The following TANC1 variants were observed in gnomAD, a reference collection of about 807,000 sequenced individuals.
The protein encoded by TANC1 is protein TANC1.
In TANC1, 77 loss-of-function variants were observed where a neutral mutation model predicts 149.7. The ratio of observed to expected loss-of-function variants is 0.51; its 90% CI spans 0.43 to 0.62. The LOEUF is 0.62. Among genes scored for constraint, TANC1 ranks in the 20% least tolerant of loss-of-function variants. The pLI is 0.00. For synonymous variants in TANC1, 854 were observed against 925.0 expected, an observed-to-expected ratio of 0.92 and a Z score of 1.39; for missense variants, 1,985 against 2,321.8, an observed-to-expected ratio of 0.85 and a Z score of 2.98.
chr2:159,201,174 G>A (rs868510604), intron 19 of TANC1, among the ~76,000 whole-genome samples: 31 of 152,148 alleles, frequency 2.0e-4, no homozygotes, highest in African/African-American at 6.5e-4. Context: ...AACCACTATC[G>A]TCTACTGCCC....
intron 19 of TANC1, among the ~76,000 whole-genome samples, chr2:159,210,635 C>T (rs1412204953): frequency 2.0e-5 from 3 of 151,886 alleles, no homozygotes; most frequent in Non-Finnish European, 1.5e-5. Flanking sequence ...GGCGAGATCT[C>T]GGCTCACTGC....
intron 2 of TANC1, among the ~76,000 whole-genome samples, chr2:159,019,444 A>G (rs1286364029): frequency 6.6e-6 from 1 of 152,108 alleles, no homozygotes; most frequent in Non-Finnish European, 1.5e-5. Context: ...TGGCAACCTA[A>G]TTCAGTTAAA....
intron 22 of TANC1, among the ~76,000 whole-genome samples, chr2:159,223,693 C>T (rs576018252): frequency 2.0e-5 from 3 of 152,248 alleles, no homozygotes; most frequent in East Asian, 1.9e-4. Context: ...GTCTTTGTAC[C>T]GTGGTATCAA....
chr2:158,975,438 C>T (rs2033535309), intron 1 of TANC1, among the ~76,000 whole-genome samples: 1 of 152,138 alleles, frequency 6.6e-6, no homozygotes, highest in Admixed American at 6.5e-5. Flanking sequence ...TAATGCCATA[C>T]CTTTTGCCAG....
chr2:159,178,665 G>C lies in TANC1; in HGVS notation c.2012G>C (p.Ser671Thr), dbSNP rs1401945233. 1 of 1,614,076 alleles carries C rather than the reference G, an allele frequency of 6.2e-7. No homozygotes were observed. The highest frequency in any genetic ancestry group is 1.3e-5 in the African/African-American group (1 of 74,932). The stretch of plus-strand genomic sequence containing the variant: ...TACGTCCAGCACAGGGTGCACAGCA[G>C]CCAGGACATCCTCAGCAACATCTCC... ...HAYVQHRVHS[S>T]QDILSNISLN... Residue 671 changes from serine (S) to threonine (T), a missense_variant, in exon 14 of 27, where the codon AGC (serine) becomes ACC (threonine). Physicochemically the swap from Ser to Thr is moderately conservative, Grantham distance 58. This residue lies in a region of TANC1 where 508 missense variants were observed against 714.2 expected (regional missense o/e 0.71). Coordinates refer to ENST00000263635, the MANE Select transcript of TANC1 (RefSeq NM_033394.3).
chr2:159,204,320 T>G (rs1212043709), intron 19 of TANC1, among the ~76,000 whole-genome samples: 4 of 152,244 alleles, frequency 2.6e-5, no homozygotes, highest in Admixed American at 6.5e-5. Flanking sequence ...GTGTCCTGAT[T>G]TCTTGGTGTC....
chr2:159,012,935 G>T (rs2037911411), intron 2 of TANC1, among the ~76,000 whole-genome samples: 1 of 152,028 alleles, frequency 6.6e-6, no homozygotes. Flanking sequence ...TGGTAGTTTT[G>T]CATGGTATTT....
chr2:159,166,865 C>T (rs768046386), intron 8 of TANC1, among the ~76,000 whole-genome samples: 4 of 152,160 alleles, frequency 2.6e-5, no homozygotes, highest in African/African-American at 4.8e-5. Context: ...GCTTTCAGCT[C>T]GGCTTAATCG....
intron 7 of TANC1, among the ~76,000 whole-genome samples, chr2:159,159,050 A>AT (rs1024881835): frequency 3.3e-5 from 5 of 152,214 alleles, no homozygotes; most frequent in Non-Finnish European, 4.4e-5. Flanking sequence ...CTTGATGTTC[A>AT]TTTAAGCCTA....
intron 2 of TANC1, among the ~76,000 whole-genome samples, chr2:159,016,941 T>G (rs1239546167): frequency 6.6e-6 from 1 of 152,138 alleles, no homozygotes; most frequent in Non-Finnish European, 1.5e-5. Context: ...CCATTGCTGG[T>G]TTATGGATTG....
chr2:159,054,556 A>C (rs1276253175), intron 2 of TANC1, among the ~76,000 whole-genome samples: 1 of 152,218 alleles, frequency 6.6e-6, no homozygotes, highest in Non-Finnish European at 1.5e-5. Flanking sequence ...TGTCAGCTAC[A>C]TAAGCAAGAG....
intron 2 of TANC1, among the ~76,000 whole-genome samples, chr2:159,006,279 G>A (rs1007299814): frequency 7.7e-6 from 1 of 129,828 alleles, no homozygotes; most frequent in African/African-American, 2.9e-5. Context: ...CTGGGTGACA[G>A]AGTGAGACTT....
At chr2:159,199,575 A>G (rs1455798667) in intron 19 of TANC1, among the ~76,000 whole-genome samples, 5 of 152,252 alleles carry the variant, frequency 3.3e-5, no homozygotes, top group Admixed American at 1.3e-4. Context: ...TGGTCTTTAC[A>G]GTGAGAAGCC....
chr2:159,204,311 T>G (rs1023042598), intron 19 of TANC1, among the ~76,000 whole-genome samples: 3 of 152,194 alleles, frequency 2.0e-5, no homozygotes, highest in Non-Finnish European at 2.9e-5. Context: ...AAAGACCCAG[T>G]GTCCTGATTT....
intron 13 of TANC1, among the ~76,000 whole-genome samples, chr2:159,177,506 C>T (rs2056000435): frequency 1.3e-5 from 2 of 152,070 alleles, no homozygotes; most frequent in Admixed American, 6.5e-5. Context: ...GAACTTGATG[C>T]GTGTTTTTTG....
intron 2 of TANC1, among the ~76,000 whole-genome samples, chr2:159,007,161 T>C (rs2149356533): frequency 6.7e-6 from 1 of 149,804 alleles, no homozygotes; most frequent in Admixed American, 6.6e-5. Context: ...TTTTTTTTTT[T>C]TTGAGACAGA....
chr2:158,997,168 T>C (rs577655838), intron 1 of TANC1, among the ~76,000 whole-genome samples: 5 of 152,218 alleles, frequency 3.3e-5, no homozygotes, highest in Non-Finnish European at 7.3e-5. Context: ...CGCTGTACTC[T>C]AGTGGGTAAA....
At chr2:159,165,083 A>T (rs1015115258) in intron 8 of TANC1, among the ~76,000 whole-genome samples, 4 of 152,222 alleles carry the variant, frequency 2.6e-5, no homozygotes, top group Non-Finnish European at 5.9e-5. Flanking sequence ...TTCAACAAAA[A>T]TAGTGAACTT....
intron 4 of TANC1, among the ~76,000 whole-genome samples, chr2:159,105,290 G>A (rs382814): frequency 0.17 from 25,666 of 151,476 alleles, 2,299 homozygotes; most frequent in Middle Eastern, 0.24. Context: ...CACCCCGCCC[G>A]GCCAGATACT....
Sources: gnomAD v4.1 joint callset for allele counts (sites outside exome capture counted in the v4.1 genomes callset) on GRCh38, gnomAD v4.1.1 for gene constraint, gnomAD v4.1.1 regional missense constraint, MANE v1.5 for transcripts, NCBI Gene and HGNC (gene_info 2026-07-23, HGNC 2026-07-21) for gene names.